SNX13: variants seen among roughly 807,000 people sequenced by gnomAD.
SNX13 encodes the protein sorting nexin 13.
A neutral mutation model predicts 133.6 loss-of-function variants in SNX13; 45 were observed. The ratio of observed to expected loss-of-function variants is 0.34; its 90% CI spans 0.27 to 0.43. The LOEUF (loss-of-function observed/expected upper bound fraction) is 0.43, where lower values mean the gene tolerates loss of function less well. Ranked by LOEUF, SNX13 falls within the 20% of genes least tolerant of loss-of-function variation. SNX13 has a pLI of 1.00. For missense variants in SNX13, 1,032 were observed against 1,145.1 expected (o/e 0.90, Z 1.43); for synonymous variants, 414 against 373.9 (o/e 1.11, Z -1.24).
At chr7:17,893,065 C>T (rs1441677892) in intron 3 of SNX13, among the ~76,000 whole-genome samples, 1 of 152,152 alleles carries the variant, frequency 6.6e-6, no homozygotes, top group East Asian at 1.9e-4. Flanking sequence ...TATGATAAGA[C>T]AGCAGGAAAA....
At chr7:17,888,688 G>A (rs1194596639) in intron 5 of SNX13, 1 of 470,508 alleles carries the variant, frequency 2.1e-6, no homozygotes, top group East Asian at 6.9e-5. Flanking sequence ...CACTGAGCAG[G>A]GACTTTGTTT....
At chr7:17,855,110 C>T (rs1490378078) in intron 9 of SNX13, among the ~76,000 whole-genome samples, 1 of 152,138 alleles carries the variant, frequency 6.6e-6, no homozygotes, top group Non-Finnish European at 1.5e-5. Context: ...AAAATCACAC[C>T]AGACACAACA....
intron 1 of SNX13, among the ~76,000 whole-genome samples, chr7:17,939,586 A>G (rs555994715): frequency 6.6e-6 from 1 of 152,374 alleles, no homozygotes; most frequent in South Asian, 2.1e-4. Context: ...GGTTCGTCAT[A>G]GTTGCCCTAC....
chr7:17,851,415 A>T (rs925817625), intron 9 of SNX13, among the ~76,000 whole-genome samples: 1 of 152,272 alleles, frequency 6.6e-6, no homozygotes, highest in Non-Finnish European at 1.5e-5. Flanking sequence ...TGTTGTATAA[A>T]AATAGAATAA....
intron 1 of SNX13, among the ~76,000 whole-genome samples, chr7:17,913,771 A>T (rs1212678618): frequency 6.7e-6 from 1 of 149,882 alleles, no homozygotes; most frequent in Non-Finnish European, 1.5e-5. Flanking sequence ...AAAAAAAAAA[A>T]AAAAAAAAAA....
intron 19 of SNX13, 147 bp downstream of exon 19, chr7:17,816,035 A>C (rs960399033): frequency 1.3e-6 from 1 of 775,098 alleles, no homozygotes. Flanking sequence ...AGCAGACTGC[A>C]CGTCACATTT....
At chr7:17,915,425 C>G (rs1378859597) in intron 1 of SNX13, among the ~76,000 whole-genome samples, 1 of 152,184 alleles carries the variant, frequency 6.6e-6, no homozygotes, top group Non-Finnish European at 1.5e-5. Flanking sequence ...AAGTTACACC[C>G]TCTTGTAAAT....
chr7:17,878,348 T>C (rs1794956936), intron 5 of SNX13, among the ~76,000 whole-genome samples: 1 of 152,130 alleles, frequency 6.6e-6, no homozygotes, highest in African/African-American at 2.4e-5. Context: ...AATCCCTATA[T>C]GGCCAAAAAA....
chr7:17,908,158 G>C (rs1430670336), intron 1 of SNX13, among the ~76,000 whole-genome samples: 1 of 152,154 alleles, frequency 6.6e-6, no homozygotes, highest in Non-Finnish European at 1.5e-5. Context: ...AGAAATTCTA[G>C]AGTTGCCTTG....
At chr7:17,931,117 T>C (rs1196962764) in intron 1 of SNX13, among the ~76,000 whole-genome samples, 1 of 152,202 alleles carries the variant, frequency 6.6e-6, no homozygotes, top group African/African-American at 2.4e-5. Flanking sequence ...TGTTGAGCAG[T>C]TGGGTACCAT....
chr7:17,868,131 C>CTA (rs1219657080), intron 9 of SNX13, among the ~76,000 whole-genome samples: 2 of 152,028 alleles, frequency 1.3e-5, no homozygotes, highest in Non-Finnish European at 2.9e-5. Flanking sequence ...TACTCATCAT[C>CTA]TATAGACACA....
chr7:17,803,554 G>A lies in SNX13; in HGVS notation c.2091C>T (p.Arg697=), dbSNP rs1784864206. The change falls in exon 21 of 26, where the codon CGC becomes CGT. Residue 697 remains arginine (R), a synonymous_variant. Transcript: ENST00000428135. The part of the protein sequence containing the change: ...RKMDTFVNPL[R]NSMRNVSNAV... ...CATTTGAAACATTCCTCATTGAATT[G>A]CGAAGTGGATTTACAAAAGTGTCCA... 1.2e-6 allele frequency: 2 copies of A among 1,609,836 alleles called. No individual in the cohort carries two copies. The highest frequency in any genetic ancestry group is 1.3e-5 in the African/African-American group (1 of 74,760).
intron 3 of SNX13, among the ~76,000 whole-genome samples, 154 bp from the exon 4 acceptor site, chr7:17,891,789 T>C (rs1182622091): frequency 6.6e-6 from 1 of 152,196 alleles, no homozygotes; most frequent in East Asian, 1.9e-4. Flanking sequence ...CAAACACTAT[T>C]TCTCAAGTTA....
rs921553175 is a variant in SNX13 at position 17,906,156 on chromosome 7, G to A, written c.13-8710C>T. 6.6e-5 allele frequency among the ~76,000 whole-genome samples: 10 copies of A among 152,016 alleles called. 1 individual carries two copies. The highest frequency in any genetic ancestry group is 5.9e-4 in the Admixed American group (9 of 15,264). On this transcript the variant is annotated intron_variant, in intron 1 of 25. Coordinates refer to ENST00000428135, the MANE Select transcript of SNX13 (RefSeq NM_015132.5). The stretch of plus-strand genomic sequence containing the variant: ...GATGATTTTACAAAAGAGGGAGAAC[G>A]ACAGCCAGATGGCACTAGCCATGAA...
At position 17,876,870 on chromosome 7, in the gene SNX13, C is replaced by T. The variant is rs189101215; in HGVS notation, c.441-1080G>A. ...TATAATGTTCTTTTTCATAAAATCGCACTAAAATTAATTCACCCAGGAACA... is the reference window on the plus strand; with the variant it reads ...TATAATGTTCTTTTTCATAAAATCGTACTAAAATTAATTCACCCAGGAACA... On this transcript the variant is annotated intron_variant, in intron 5 of 25. Transcript: ENST00000428135. Among the ~76,000 whole-genome samples the T allele has an allele frequency of 3.7e-3, 556 of 151,516 alleles. 5 individuals are homozygous for T. Among genetic ancestry groups the T allele is most frequent in the African/African-American group, 0.013 (531 of 41,346 alleles).
intron 9 of SNX13, among the ~76,000 whole-genome samples, chr7:17,861,421 G>T (rs967105871): frequency 2.0e-5 from 3 of 151,406 alleles, no homozygotes; most frequent in Admixed American, 2.0e-4. Flanking sequence ...CCCACACCAG[G>T]AAGAGGCAAT....
chr7:17,861,799 G>A (rs1038503129), intron 9 of SNX13, among the ~76,000 whole-genome samples: 3 of 152,284 alleles, frequency 2.0e-5, no homozygotes, highest in East Asian at 3.9e-4. Flanking sequence ...ACATAAAATC[G>A]TAGGATCAAG....
Position 17,805,250 on chromosome 7 carries a change from T to TGTGTGCGCGC in SNX13, c.2065-1671_2065-1670insGCGCGCACAC. On this transcript the variant is annotated intron_variant, in intron 20 of 25. Transcript: ENST00000428135. ...GTGTGTGTGTGTGTGTGTGTGTGTG[T>TGTGTGCGCGC]GCGTGCGCGCGCGCGCATGCATGCA... 2.9e-3 allele frequency among the ~76,000 whole-genome samples: 274 copies of TGTGTGCGCGC among 95,570 alleles called. 4 individuals are homozygous for TGTGTGCGCGC. The highest frequency in any genetic ancestry group is 4.9e-3 in the Middle Eastern group (1 of 206). The allele number at this position is 95,570 out of a possible 152,430, so 62.7% of individuals were successfully genotyped here. A position where few individuals can be genotyped will look rare whatever the true frequency, so the allele number is the denominator to read the frequency against.
At chr7:17,914,470 A>C (rs545005258) in intron 1 of SNX13, among the ~76,000 whole-genome samples, 8 of 152,336 alleles carry the variant, frequency 5.3e-5, no homozygotes, top group African/African-American at 1.9e-4. Context: ...TCTTCAAGGC[A>C]GCTAGAGAAA....
Sources: gnomAD v4.1 joint callset for allele counts (sites outside exome capture counted in the v4.1 genomes callset) on GRCh38, gnomAD v4.1.1 for gene constraint, MANE v1.5 for transcripts, NCBI Gene and HGNC (gene_info 2026-07-23, HGNC 2026-07-21) for gene names.